Variants in CPLANE1 observed in about 807,000 individuals in gnomAD.
The protein encoded by CPLANE1 is ciliogenesis and planar polarity effector 1.
CPLANE1 carries 263 observed loss-of-function variants against 362.5 expected under a neutral mutation model. That is an observed-to-expected ratio of 0.73 (90% CI 0.66 to 0.80). The LOEUF (loss-of-function observed/expected upper bound fraction) is 0.80. CPLANE1 is among the 30% of genes least tolerant of loss of function. The pLI is 0.00. For synonymous variants in CPLANE1, 1,212 were observed against 1,302.6 expected, an observed-to-expected ratio of 0.93 and a Z score of 1.50; for missense variants, 3,461 against 3,793.4, an observed-to-expected ratio of 0.91 and a Z score of 2.30.
intron 46 of CPLANE1, among the ~76,000 whole-genome samples, chr5:37,135,508 T>A (rs1282394800): frequency 2.0e-5 from 3 of 151,918 alleles, no homozygotes; most frequent in Non-Finnish European, 4.4e-5. Context: ...AGGAGAAGAA[T>A]GAGTGCCCAG....
At position 37,196,007 on chromosome 5, in the gene CPLANE1, A is replaced by T; in HGVS notation, c.3673-11T>A. 8 of 1,587,870 alleles carry T rather than the reference A, an allele frequency of 5.0e-6. No individual in the cohort carries two copies. The highest frequency in any genetic ancestry group is 6.8e-6 in the Non-Finnish European group (8 of 1,170,830). ...TCCTTTCATTCGAATCTAAAAGTAA[A>T]GAATAACCGAACATGTTAATTATCA... On this transcript the variant is annotated splice_polypyrimidine_tract_variant and intron_variant, in intron 20 of 52. Coordinates refer to ENST00000651892, the MANE Select transcript of CPLANE1 (RefSeq NM_001384732.1).
chr5:37,088,767 AAGG>A, the CPLANE1 span, among the ~76,000 whole-genome samples: 1 of 152,134 alleles, frequency 6.6e-6, no homozygotes, highest in Admixed American at 6.6e-5. Flanking sequence ...ATGCTAAAAG[AAGG>A]AGAAGACCCT....
At chr5:37,120,450 GC>G (rs1312180363) in intron 49 of CPLANE1, 110 bp from the exon 50 acceptor site, 65 of 883,492 alleles carry the variant, frequency 7.4e-5, no homozygotes, top group Non-Finnish European at 1.0e-4. Flanking sequence ...CAAGCCTATA[GC>G]CCCAGCTACT....
intron 12 of CPLANE1, among the ~76,000 whole-genome samples, chr5:37,225,472 T>C (rs1015284141): frequency 2.0e-5 from 3 of 152,090 alleles, no homozygotes; most frequent in African/African-American, 7.2e-5. Context: ...GGTCAAGTGA[T>C]CCACCCACCT....
At chr5:37,119,321 C>T (rs1028563574) in intron 50 of CPLANE1, among the ~76,000 whole-genome samples, 1 of 152,044 alleles carries the variant, frequency 6.6e-6, no homozygotes, top group South Asian at 2.1e-4. Flanking sequence ...ACAAAAGAAA[C>T]AGACTCCCAA....
At chr5:37,112,079 T>A (rs543225133) in intron 51 of CPLANE1, among the ~76,000 whole-genome samples, 2 of 152,288 alleles carry the variant, frequency 1.3e-5, no homozygotes, top group South Asian at 4.1e-4. Context: ...GCTACAAACA[T>A]CAACTAATCC....
chr5:37,079,503 T>C, the CPLANE1 span, among the ~76,000 whole-genome samples: 1 of 152,218 alleles, frequency 6.6e-6, no homozygotes, highest in East Asian at 1.9e-4. Context: ...TCCCTTCAGG[T>C]AGGCAACTCA....
intron 8 of CPLANE1, among the ~76,000 whole-genome samples, chr5:37,232,839 CAAAAAAAA>C (rs765038993): frequency 6.3e-4 from 39 of 62,030 alleles, no homozygotes; most frequent in African/African-American, 2.1e-3. Context: ...GACCTTGTTG[CAAAAAAAA>C]AAAAAAAAAA....
At chr5:37,234,613 C>T (rs1313815709) in intron 8 of CPLANE1, among the ~76,000 whole-genome samples, 1 of 151,202 alleles carries the variant, frequency 6.6e-6, no homozygotes, top group Non-Finnish European at 1.5e-5. Flanking sequence ...TCAAAAAGTG[C>T]CGAAAACCTA....
rs147451628 is a variant in CPLANE1, at chr5:37,169,164, C to T, written c.6860G>A (p.Ser2287Asn). 704 of 1,614,118 alleles carry T rather than the reference C, an allele frequency of 4.4e-4. 5 individuals are homozygous for T. The East Asian group carries it at 0.015, about 33-fold the overall frequency. ...QTTPASHLNV[S>N]QYNTEARKKE... is the part of the protein sequence containing the mutation. ...TTTTCTGGCTTCAGTGTTATACTGG[C>T]TTACATTCAAATGGGATGCTGGAGT... Residue 2287 changes from serine to asparagine, a missense_variant, in exon 34 of 53, where the codon AGC becomes AAC. By Grantham distance (46) the Ser-to-Asn change is conservative (BLOSUM62 1). Coordinates refer to ENST00000651892, the MANE Select transcript of CPLANE1 (RefSeq NM_001384732.1).
chr5:37,139,384 C>T lies in CPLANE1; in HGVS notation c.8633-14G>A. The T allele has an allele frequency of 4.4e-6, 5 of 1,126,920 alleles. No homozygotes were observed. The highest frequency in any genetic ancestry group is 6.1e-6 in the Non-Finnish European group (5 of 814,488). The allele number at this position is 1,126,920 out of a possible 1,614,324, so 69.8% of individuals were successfully genotyped here. A position where few individuals can be genotyped will look rare whatever the true frequency, so the allele number is the denominator to read the frequency against. Reference sequence around the variant, plus strand: ...TGCTATTCATACCTAAAAAAAAAATCATTATTAATAAAAATTTTGGGTTTT... The same window carrying T: ...TGCTATTCATACCTAAAAAAAAAATTATTATTAATAAAAATTTTGGGTTTT... On this transcript the variant is annotated splice_polypyrimidine_tract_variant and intron_variant, in intron 44 of 52. Coordinates refer to ENST00000651892, the MANE Select transcript of CPLANE1 (RefSeq NM_001384732.1).
At chr5:37,232,839 C>CAAAAAAAAA (rs765038993) in intron 8 of CPLANE1, among the ~76,000 whole-genome samples, 2 of 61,998 alleles carry the variant, frequency 3.2e-5, no homozygotes, top group African/African-American at 1.1e-4. Context: ...GACCTTGTTG[C>CAAAAAAAAA]AAAAAAAAAA....
intron 34 of CPLANE1, among the ~76,000 whole-genome samples, chr5:37,168,393 C>T (rs1778873662): frequency 6.6e-6 from 1 of 152,158 alleles, no homozygotes; most frequent in African/African-American, 2.4e-5. Context: ...AAATCTGACA[C>T]AGAGTACCTG....
At position 37,183,109 on chromosome 5, in the gene CPLANE1, T is replaced by C. The variant is rs1348488187; in HGVS notation, c.5072A>G (p.Asp1691Gly). Reference protein sequence around the residue: ...KQRSIYKIQDDTREKCLIQRS... With the variant: ...KQRSIYKIQDGTREKCLIQRS... ...CTGGATTAGACATTTCTCTCTAGTG[T>C]CATCTTGTATTTTGTAAATTGACCT... The change falls in exon 26 of 53, where the codon GAC becomes GGC. Residue 1691 changes from aspartate (D) to glycine (G), a missense_variant. By Grantham distance (94) the Asp-to-Gly change is moderately conservative. Transcript: ENST00000651892. The C allele has an allele frequency of 5.0e-6, 8 of 1,613,158 alleles. No homozygotes were observed. The highest frequency in any genetic ancestry group is 1.3e-5 in the African/African-American group (1 of 74,922).
At chr5:37,119,998 GA>G (rs1035498774) in intron 50 of CPLANE1, among the ~76,000 whole-genome samples, 3 of 126,616 alleles carry the variant, frequency 2.4e-5, no homozygotes, top group Non-Finnish European at 3.4e-5. Context: ...AAAAGAAAAA[GA>G]AAAAAAAAGC....
chr5:37,216,976 T>G (rs1486240185), intron 15 of CPLANE1, among the ~76,000 whole-genome samples: 1 of 152,202 alleles, frequency 6.6e-6, no homozygotes, highest in Non-Finnish European at 1.5e-5. Flanking sequence ...GAAAATAATG[T>G]TAATTAATGT....
Position 37,217,434 on chromosome 5 carries a change from C to T in CPLANE1, c.2747-3702G>A, listed in dbSNP as rs185742238. 6.7e-3 allele frequency among the ~76,000 whole-genome samples: 989 copies of T among 147,354 alleles called. 8 individuals carry two copies. Among genetic ancestry groups the T allele is most frequent in the African/African-American group, 0.023 (930 of 39,878 alleles). ...CAGCCTGGCCAATATGGTGAAACCC[C>T]GTCTCTACTAAAAATACAAAAAATT... On this transcript the variant is annotated intron_variant, in intron 15 of 52. Coordinates refer to ENST00000651892, the MANE Select transcript of CPLANE1 (RefSeq NM_001384732.1).
At chr5:37,167,593 A>T (rs1235950199) in intron 34 of CPLANE1, among the ~76,000 whole-genome samples, 2 of 152,170 alleles carry the variant, frequency 1.3e-5, no homozygotes, top group Admixed American at 6.5e-5. Context: ...CCTGACCAAC[A>T]TGGTGAAACC....
intron 8 of CPLANE1, among the ~76,000 whole-genome samples, chr5:37,238,654 C>T (rs1057448016): frequency 2.6e-5 from 4 of 151,428 alleles, no homozygotes; most frequent in African/African-American, 9.7e-5. Context: ...CACCACCATG[C>T]TCGGCTAATT....
Sources: gnomAD v4.1 joint callset for allele counts (sites outside exome capture counted in the v4.1 genomes callset) on GRCh38, gnomAD v4.1.1 for gene constraint, MANE v1.5 for transcripts, NCBI Gene and HGNC (gene_info 2026-07-23, HGNC 2026-07-21) for gene names.